MYO16: variants seen among roughly 807,000 people sequenced by gnomAD.
The protein encoded by MYO16 is myosin XVI, also known as unconventional myosin-XVI.
In MYO16, 94 loss-of-function variants were observed where a neutral mutation model predicts 205.3. The ratio of observed to expected loss-of-function variants is 0.46; its 90% CI spans 0.39 to 0.54. MYO16 has a LOEUF of 0.54. Ranked by LOEUF, MYO16 falls within the 20% of genes least tolerant of loss-of-function variation. The probability of loss-of-function intolerance (pLI) is 0.00; values close to 1 mark genes in which losing one functional copy is unlikely to be tolerated. For synonymous variants in MYO16, 988 were observed against 954.0 expected, an observed-to-expected ratio of 1.04 and a Z score of -0.66; for missense variants, 2,315 against 2,387.5, an observed-to-expected ratio of 0.97 and a Z score of 0.63.
At chr13:109,056,569 C>G (rs1352109717) in intron 27 of MYO16, among the ~76,000 whole-genome samples, 2 of 152,052 alleles carry the variant, frequency 1.3e-5, no homozygotes, top group Admixed American at 6.6e-5. Context: ...TGATGAATGT[C>G]CCAGTTTAGA....
chr13:108,868,495 C>CT (rs1401501984), intron 12 of MYO16, among the ~76,000 whole-genome samples: 1 of 152,086 alleles, frequency 6.6e-6, no homozygotes, highest in Admixed American at 6.5e-5. Context: ...GTTCATCTAC[C>CT]TTTTTTATTG....
intron 22 of MYO16, 32 bp downstream of exon 22, chr13:109,009,081 G>T: frequency 2.0e-6 from 3 of 1,503,722 alleles, no homozygotes; most frequent in Non-Finnish European, 2.7e-6. Flanking sequence ...ATACTTAACA[G>T]GATATATGGG....
At chr13:108,907,389 T>C (rs1410931487) in intron 15 of MYO16, among the ~76,000 whole-genome samples, 1 of 152,200 alleles carries the variant, frequency 6.6e-6, no homozygotes, top group African/African-American at 2.4e-5. Flanking sequence ...ATAAAAGAGC[T>C]TTTAAAACAT....
intron 4 of MYO16, among the ~76,000 whole-genome samples, chr13:108,764,913 C>G (rs775751798): frequency 6.6e-6 from 1 of 152,186 alleles, no homozygotes; most frequent in Non-Finnish European, 1.5e-5. Flanking sequence ...CATACACTTT[C>G]ATCTTGTTTC....
chr13:108,659,894 T>A (rs1013144296), intron 1 of MYO16, among the ~76,000 whole-genome samples: 1 of 152,066 alleles, frequency 6.6e-6, no homozygotes, highest in African/African-American at 2.4e-5. Context: ...TTTTAGGAAA[T>A]CGATTAGTAT....
intron 23 of MYO16, among the ~76,000 whole-genome samples, chr13:109,022,101 T>C (rs58874096): frequency 2.4e-4 from 34 of 141,800 alleles, no homozygotes; most frequent in African/African-American, 8.8e-4. Flanking sequence ...TATATACATA[T>C]AAAACATATT....
In MYO16 at chr13:108,925,193, C is replaced by T. The variant is rs535925268; in HGVS notation, c.1925+15043C>T. On this transcript the variant is annotated intron_variant, in intron 16 of 34. Coordinates refer to ENST00000457511, the MANE Select transcript of MYO16 (RefSeq NM_001198950.3). ...CTCTCTCACTGGTCCCGGCATCTCT[C>T]TGTGGGCATCCTTTAAGATGTTTAA... Among the ~76,000 whole-genome samples, 6 of 152,250 alleles carry T rather than the reference C, an allele frequency of 3.9e-5. No individual in the cohort carries two copies. In the East Asian group the frequency reaches 9.7e-4, roughly 25 times the overall value.
At position 109,157,912 on chromosome 13, in the gene MYO16, T is replaced by G. The variant is rs551703645; in HGVS notation, c.5165-6989T>G. Among the ~76,000 whole-genome samples, 9 of 152,300 alleles carry G rather than the reference T, an allele frequency of 5.9e-5. No individual in the cohort carries two copies. The East Asian group carries it at 1.7e-3, about 29-fold the overall frequency. ...CATAAATTCTTGTCATCTGCCGTGC[T>G]CCATAACCCCTCTAAAATGTGAGCA... On this transcript the variant is annotated intron_variant, in intron 32 of 34. Transcript: ENST00000457511.
intron 27 of MYO16, among the ~76,000 whole-genome samples, chr13:109,062,593 A>G (rs956240336): frequency 6.6e-6 from 1 of 151,674 alleles, no homozygotes; most frequent in Admixed American, 6.6e-5. Flanking sequence ...ATCTGCCCCT[A>G]TCTCTCTGGC....
chr13:109,130,035 T>A (rs1201128063), intron 31 of MYO16, among the ~76,000 whole-genome samples: 1 of 149,162 alleles, frequency 6.7e-6, no homozygotes, highest in African/African-American at 2.5e-5. Context: ...AGGAGATATA[T>A]ATACACACAC....
chr13:109,178,085 C>G (rs1359486109), intron 33 of MYO16, among the ~76,000 whole-genome samples: 1 of 152,136 alleles, frequency 6.6e-6, no homozygotes, highest in African/African-American at 2.4e-5. Context: ...TCTGCTTTAT[C>G]TAGTTTCCTG....
chr13:108,744,342 C>T (rs1040821826), intron 4 of MYO16, among the ~76,000 whole-genome samples: 14 of 152,172 alleles, frequency 9.2e-5, no homozygotes, highest in African/African-American at 3.4e-4. Context: ...GTCACCTCTC[C>T]AAGGATTTCT....
chr13:108,695,515 C>T (rs903900039), intron 2 of MYO16, among the ~76,000 whole-genome samples: 4 of 151,578 alleles, frequency 2.6e-5, no homozygotes, highest in Non-Finnish European at 4.4e-5. Flanking sequence ...GCTTCCCTTG[C>T]AATCTCATAT....
At chr13:109,195,443 C>G (rs1385085700) in intron 34 of MYO16, among the ~76,000 whole-genome samples, 1 of 152,110 alleles carries the variant, frequency 6.6e-6, no homozygotes, top group African/African-American at 2.4e-5. Flanking sequence ...TATATGTAAG[C>G]TTTTAATCAA....
rs377547720 is a variant in MYO16, at chr13:109,084,357, T to C, written c.3336-16428T>C. 3.3e-4 allele frequency among the ~76,000 whole-genome samples: 50 copies of C among 151,770 alleles called. No homozygotes were observed. In the Middle Eastern group the frequency reaches 0.01, roughly 31 times the overall value. On this transcript the variant is annotated intron_variant, in intron 27 of 34. Coordinates refer to ENST00000457511, the MANE Select transcript of MYO16 (RefSeq NM_001198950.3). ...TCCTCCGTGTGAAAGAGCAGGTTGATGACTTGATGATGACTTTGACCTCAG... is the reference window on the plus strand; with the variant it reads ...TCCTCCGTGTGAAAGAGCAGGTTGACGACTTGATGATGACTTTGACCTCAG...
intron 2 of MYO16, among the ~76,000 whole-genome samples, chr13:108,706,699 A>G (rs1883521853): frequency 6.6e-6 from 1 of 152,242 alleles, no homozygotes; most frequent in Non-Finnish European, 1.5e-5. Context: ...TTCATTTGTC[A>G]TAACTGCACA....
At chr13:108,518,036 T>C in the MYO16 span, among the ~76,000 whole-genome samples, 1 of 152,170 alleles carries the variant, frequency 6.6e-6, no homozygotes. Context: ...TTGGGTATTA[T>C]AAGCCAGCAT....
intron 28 of MYO16, chr13:109,101,727 G>A (rs1477281771): frequency 1.3e-5 from 2 of 152,210 alleles, no homozygotes; most frequent in African/African-American, 2.4e-5. Context: ...ACCACCAAAA[G>A]TGCATAGGTG....
intron 6 of MYO16, among the ~76,000 whole-genome samples, chr13:108,796,975 CA>C (rs1162843089): frequency 6.6e-6 from 1 of 151,746 alleles, no homozygotes; most frequent in Non-Finnish European, 1.5e-5. Flanking sequence ...CTGAAAAGGA[CA>C]GGGGTAAACC....
Sources: allele counts gnomAD v4.1 joint callset (sites outside exome capture counted in the v4.1 genomes callset), GRCh38; gene constraint gnomAD v4.1.1; transcripts MANE v1.5; gene names NCBI Gene and HGNC (gene_info 2026-07-23, HGNC 2026-07-21).